C1orf87: variants seen among roughly 807,000 people sequenced by gnomAD.
C1orf87 encodes the protein chromosome 1 open reading frame 87, also known as uncharacterized protein C1orf87.
In C1orf87, 58 loss-of-function variants were observed where a neutral mutation model predicts 60.5. That is an observed-to-expected ratio of 0.96 (90% CI 0.78 to 1.19). C1orf87 has a LOEUF of 1.19. Among genes scored for constraint, C1orf87 ranks in the 50% most tolerant of loss-of-function variants. The pLI is 0.00. For synonymous variants in C1orf87, 236 were observed against 227.4 expected, an observed-to-expected ratio of 1.04 and a Z score of -0.34; for missense variants, 673 against 638.6, an observed-to-expected ratio of 1.05 and a Z score of -0.58.
At chr1:60,024,602 A>T (rs556001360) in intron 8 of C1orf87, among the ~76,000 whole-genome samples, 1 of 152,224 alleles carries the variant, frequency 6.6e-6, no homozygotes, top group Admixed American at 6.5e-5. Context: ...GGGATTTCTC[A>T]CTTCTCTACT....
At position 60,023,255 on chromosome 1, in the gene C1orf87, G is replaced by T. The variant is rs562073953; in HGVS notation, c.1127+2146C>A. ...GTTTTCTCCAAATTTGAAAAAAATG[G>T]CAGCTATTATTTGTTCAACATACTT... On this transcript the variant is annotated intron_variant, in intron 8 of 11. Transcript: ENST00000371201. 7.9e-4 allele frequency among the ~76,000 whole-genome samples: 120 copies of T among 152,058 alleles called. 3 individuals carry two copies. In the South Asian group the frequency reaches 0.024, roughly 30 times the overall value.
At chr1:60,009,691 C>G (rs1557459468) in intron 9 of C1orf87, among the ~76,000 whole-genome samples, 2 of 151,820 alleles carry the variant, frequency 1.3e-5, no homozygotes, top group Admixed American at 6.6e-5. Context: ...AAAGGGCAAT[C>G]AGTAAATGGT....
At chr1:60,009,769 A>G (rs1267620734) in intron 9 of C1orf87, among the ~76,000 whole-genome samples, 1 of 152,080 alleles carries the variant, frequency 6.6e-6, no homozygotes, top group Non-Finnish European at 1.5e-5. Flanking sequence ...TTCACCTGTC[A>G]TATTTAAAAC....
intron 8 of C1orf87, among the ~76,000 whole-genome samples, chr1:60,020,829 A>G (rs530470072): frequency 2.0e-5 from 3 of 152,300 alleles, no homozygotes; most frequent in East Asian, 1.9e-4. Flanking sequence ...CATAAAAAGA[A>G]CATGAGATTT....
intron 7 of C1orf87, among the ~76,000 whole-genome samples, chr1:60,030,037 C>T (rs1645226440): frequency 1.3e-5 from 2 of 152,084 alleles, no homozygotes; most frequent in South Asian, 4.2e-4. Context: ...CATTGGTGTT[C>T]CTTCTCTGTG....
chr1:60,006,258 A>G (rs1305648239), intron 9 of C1orf87, among the ~76,000 whole-genome samples: 1 of 152,094 alleles, frequency 6.6e-6, no homozygotes, highest in Non-Finnish European at 1.5e-5. Context: ...GAAAGAAGGC[A>G]GATCCTTGAT....
chr1:60,050,586 A>G (rs541897596), intron 3 of C1orf87, among the ~76,000 whole-genome samples: 156 of 149,848 alleles, frequency 1.0e-3, no homozygotes, highest in African/African-American at 3.7e-3. Flanking sequence ...TTATACTCTG[A>G]AAATAGTTTT....
intron 7 of C1orf87, among the ~76,000 whole-genome samples, chr1:60,032,080 G>T (rs1180906831): frequency 2.0e-5 from 3 of 151,994 alleles, no homozygotes; most frequent in Admixed American, 6.6e-5. Flanking sequence ...AAATGCTTTT[G>T]TCCTAGAATA....
intron 9 of C1orf87, among the ~76,000 whole-genome samples, chr1:60,004,361 GTTA>G (rs1269651322): frequency 6.6e-6 from 1 of 151,978 alleles, no homozygotes; most frequent in African/African-American, 2.4e-5. Flanking sequence ...CTGTTGTTGT[GTTA>G]TTATTATTAT....
intron 7 of C1orf87, among the ~76,000 whole-genome samples, chr1:60,032,857 A>G (rs1225206193): frequency 6.6e-6 from 1 of 152,204 alleles, no homozygotes; most frequent in Non-Finnish European, 1.5e-5. Context: ...AGCATTTAGC[A>G]CGGTGCTTGG....
rs757474276 is a variant in C1orf87, at chr1:60,040,141, C to T, written c.523G>A (p.Ala175Thr). 25 of 1,613,754 alleles carry T rather than the reference C, an allele frequency of 1.5e-5. No homozygotes were observed. Among genetic ancestry groups the T allele is most frequent in the Admixed American group, 8.3e-5 (5 of 59,922 alleles). ...CTTCTGACCAGGGCAAGAAGAAAAGCGTCTTCATTTGTTGTCCCACTTGGG... is the reference window on the plus strand; with the variant it reads ...CTTCTGACCAGGGCAAGAAGAAAAGTGTCTTCATTTGTTGTCCCACTTGGG... ...QSPSGTTNED[A>T]FLLALVRREL... is the part of the protein sequence containing the mutation. The change falls in exon 5 of 12, where the codon GCT (alanine) becomes ACT (threonine). Residue 175 changes from alanine (A) to threonine (T), a missense_variant. By Grantham distance (58) the Ala-to-Thr change is moderately conservative. Coordinates refer to ENST00000371201, the MANE Select transcript of C1orf87 (RefSeq NM_152377.3).
intron 2 of C1orf87, among the ~76,000 whole-genome samples, chr1:60,064,819 A>ATG (rs1491103759): frequency 1.1e-5 from 1 of 92,768 alleles, no homozygotes; most frequent in Non-Finnish European, 1.9e-5. Flanking sequence ...TAATATATAT[A>ATG]AATATATATT....
At position 60,072,610 on chromosome 1, in the gene C1orf87, C is replaced by T. The variant is rs1235526947; in HGVS notation, c.34G>A (p.Asp12Asn). The part of the protein sequence containing the change: ...SSAWKTPRGS[D>N]AMPEIMVKII... ...TTCACCATGATCTCAGGCATTGCAT[C>T]TGATCCACGGGGAGTCTTCCAGGCT... Residue 12 changes from aspartate (D) to asparagine (N), a missense_variant, in exon 2 of 12, where the codon GAT becomes AAT. By Grantham distance (23) the Asp-to-Asn change is conservative. Transcript: ENST00000371201. 1 of 1,613,096 alleles carries T rather than the reference C, an allele frequency of 6.2e-7. No individual in the cohort carries two copies. The highest frequency in any genetic ancestry group is 1.7e-5 in the Admixed American group (1 of 59,998).
intron 11 of C1orf87, 64 bp downstream of exon 11, chr1:59,997,545 G>A: frequency 6.8e-7 from 1 of 1,478,064 alleles, no homozygotes; most frequent in Non-Finnish European, 9.4e-7. Flanking sequence ...AAGAAAATGA[G>A]GTGCCTACTT....
chr1:60,053,685 A>G (rs1645431074), intron 3 of C1orf87, among the ~76,000 whole-genome samples: 1 of 152,110 alleles, frequency 6.6e-6, no homozygotes, highest in African/African-American at 2.4e-5. Context: ...GGAAAAGAAA[A>G]CCACTAGTTT....
At chr1:59,991,361 C>T (rs550805002) in intron 11 of C1orf87, among the ~76,000 whole-genome samples, 72 of 152,210 alleles carry the variant, frequency 4.7e-4, no homozygotes, top group Non-Finnish European at 9.8e-4. Context: ...CCCATGGATG[C>T]TCAAGCCCCG....
At chr1:60,033,738 T>G in intron 6 of C1orf87, 97 bp from the exon 7 acceptor site, 3 of 1,392,954 alleles carry the variant, frequency 2.2e-6, no homozygotes, top group African/African-American at 1.4e-5. Flanking sequence ...CTACACACTA[T>G]GGAACCAGAG....
intron 11 of C1orf87, among the ~76,000 whole-genome samples, chr1:59,992,578 C>G (rs921141572): frequency 6.6e-6 from 1 of 152,012 alleles, no homozygotes; most frequent in East Asian, 1.9e-4. Flanking sequence ...TTCATATGTG[C>G]GAACTGTAAG....
intron 3 of C1orf87, among the ~76,000 whole-genome samples, chr1:60,045,098 C>T (rs1645356778): frequency 6.6e-6 from 1 of 152,176 alleles, no homozygotes; most frequent in African/African-American, 2.4e-5. Context: ...CACAACAAAT[C>T]ATCTTAACAT....
Sources: allele counts gnomAD v4.1 joint callset (sites outside exome capture counted in the v4.1 genomes callset), GRCh38; gene constraint gnomAD v4.1.1; transcripts MANE v1.5; gene names NCBI Gene and HGNC (gene_info 2026-07-23, HGNC 2026-07-21).